Variants in TOX3 observed in about 807,000 individuals in gnomAD.
The protein encoded by TOX3 is CAG trinucleotide repeat-containing gene F9 protein.
In TOX3, 22 loss-of-function variants were observed where a neutral mutation model predicts 64.3. That is an observed-to-expected ratio of 0.34 (90% CI 0.24 to 0.49). The LOEUF (loss-of-function observed/expected upper bound fraction) is 0.49. Ranked by LOEUF, TOX3 falls within the 20% of genes least tolerant of loss-of-function variation. The pLI, the probability that TOX3 is intolerant of heterozygous loss-of-function variation, is 0.99. For synonymous variants in TOX3, 291 were observed against 273.6 expected, an observed-to-expected ratio of 1.06 and a Z score of -0.63; for missense variants, 661 against 714.4, an observed-to-expected ratio of 0.93 and a Z score of 0.85.
intron 1 of TOX3, among the ~76,000 whole-genome samples, chr16:52,533,363 GA>G (rs1962889110): frequency 6.6e-6 from 1 of 152,164 alleles, no homozygotes; most frequent in Non-Finnish European, 1.5e-5. Context: ...CAAAGACAAG[GA>G]ACTGAAGAGC....
chr16:52,521,184 C>A (rs1470892777), intron 1 of TOX3, among the ~76,000 whole-genome samples: 1 of 152,022 alleles, frequency 6.6e-6, no homozygotes, highest in Non-Finnish European at 1.5e-5. Flanking sequence ...CATATTCGCA[C>A]CAAACTGAGA....
In TOX3 at chr16:52,450,441, C is replaced by A. The variant is rs1960301151; in HGVS notation, c.514G>T (p.Ala172Ser). The A allele has an allele frequency of 6.2e-7, 1 of 1,613,878 alleles. No homozygotes were observed. The highest frequency in any genetic ancestry group is 1.1e-5 in the South Asian group (1 of 91,090). Reference sequence around the variant, plus strand: ...GACTGGTTGATGGTGGTGAGCTGGGCAGGAGGCATGACCCCAGAACGCGCA... The same window carrying A: ...GACTGGTTGATGGTGGTGAGCTGGGAAGGAGGCATGACCCCAGAACGCGCA... ...DAARSGVMPPAQLTTINQSQL... is the reference protein window; with the variant it reads ...DAARSGVMPPSQLTTINQSQL... Residue 172 changes from alanine (A) to serine (S), a missense_variant, in exon 4 of 7, where the codon GCC becomes TCC. Transcript: ENST00000219746.
At chr16:52,489,728 T>C (rs45545931) in intron 1 of TOX3, among the ~76,000 whole-genome samples, 2,995 of 152,292 alleles carry the variant, frequency 0.02, 40 homozygotes, top group South Asian at 0.035. Context: ...TACCAACTTA[T>C]ATTCAACAAA....
At position 52,438,960 on chromosome 16, in the gene TOX3, G is replaced by A; in HGVS notation, c.*265C>T. The A allele has an allele frequency of 3.2e-6, 2 of 625,616 alleles. No individual in the cohort carries two copies. The highest frequency in any genetic ancestry group is 6.0e-6 in the Non-Finnish European group (2 of 330,754). 38.8% of individuals were successfully genotyped at this position (625,616 alleles called of 1,614,324 possible). A position where few individuals can be genotyped will look rare whatever the true frequency, so the allele number is the denominator to read the frequency against. ...AAACAGTTTGATTCACATATTGTAG[G>A]TATAGCCTGAATAAATAAAAAAGGC... is the stretch of plus-strand genomic sequence containing the variant. On this transcript the variant is annotated 3_prime_UTR_variant, in exon 7 of 7. Transcript: ENST00000219746.
At chr16:52,530,171 T>C (rs1962819666) in intron 1 of TOX3, among the ~76,000 whole-genome samples, 1 of 152,184 alleles carries the variant, frequency 6.6e-6, no homozygotes, top group South Asian at 2.1e-4. Flanking sequence ...GTCAAAACCA[T>C]TACATATGTT....
At chr16:52,508,457 G>A (rs1311608357) in intron 1 of TOX3, among the ~76,000 whole-genome samples, 1 of 152,168 alleles carries the variant, frequency 6.6e-6, no homozygotes, top group Non-Finnish European at 1.5e-5. Context: ...ATACTGTACA[G>A]TGGCAAACCA....
At chr16:52,489,006 G>A (rs182715770) in intron 1 of TOX3, among the ~76,000 whole-genome samples, 26 of 152,220 alleles carry the variant, frequency 1.7e-4, no homozygotes, top group Non-Finnish European at 2.9e-4. Flanking sequence ...TCCCTCAATG[G>A]GTAAACAGAG....
intron 1 of TOX3, among the ~76,000 whole-genome samples, chr16:52,516,427 G>A (rs1962458167): frequency 6.6e-6 from 1 of 152,154 alleles, no homozygotes; most frequent in Admixed American, 6.6e-5. Flanking sequence ...TTCATCAGCA[G>A]CAATGAAGGA....
chr16:52,439,418 CGCTGCTGCAGCT>C lies in TOX3; in HGVS notation c.1526_1537del (p.Gln509_Gln512del), dbSNP rs745648406. ...GTGTTGCAGCTGCTGCAGCTGGAGGCGCTGCTGCAGCTGCTGCTGCAGCTGCTGTTGATTAAT... is the reference window on the plus strand; with the variant it reads ...GTGTTGCAGCTGCTGCAGCTGGAGGCGCTGCTGCAGCTGCTGTTGATTAAT... On this transcript the variant is annotated inframe_deletion, in exon 7 of 7. Coordinates refer to ENST00000219746, the MANE Select transcript of TOX3 (RefSeq NM_001080430.4). 3.3e-5 allele frequency: 51 copies of C among 1,555,162 alleles called. No individual in the cohort carries two copies. In the East Asian group the frequency reaches 4.9e-4, roughly 15 times the overall value.
At chr16:52,525,386 T>C (rs1962707618) in intron 1 of TOX3, among the ~76,000 whole-genome samples, 1 of 152,112 alleles carries the variant, frequency 6.6e-6, no homozygotes, top group African/African-American at 2.4e-5. Flanking sequence ...ATAAAGGACA[T>C]ACAAAAGAAG....
At chr16:52,479,071 A>G (rs373910443) in intron 1 of TOX3, among the ~76,000 whole-genome samples, 1 of 152,214 alleles carries the variant, frequency 6.6e-6, no homozygotes, top group Non-Finnish European at 1.5e-5. Flanking sequence ...AAAGACATAT[A>G]TGACTCCTCA....
chr16:52,479,385 T>C (rs1386274250), intron 1 of TOX3, among the ~76,000 whole-genome samples: 4 of 152,166 alleles, frequency 2.6e-5, no homozygotes, highest in African/African-American at 9.7e-5. Context: ...AATATGCTTA[T>C]GAATAAAAGG....
At chr16:52,485,254 A>ATATATATATGTG (rs1555484151) in intron 1 of TOX3, among the ~76,000 whole-genome samples, 22 of 141,928 alleles carry the variant, frequency 1.6e-4, no homozygotes, top group African/African-American at 5.8e-4. Flanking sequence ...GTGTATATAT[A>ATATATATATGTG]TATATATATA....
chr16:52,546,355 G>C (rs1455633238), intron 1 of TOX3, among the ~76,000 whole-genome samples: 6 of 151,676 alleles, frequency 4.0e-5, no homozygotes, highest in Non-Finnish European at 1.5e-5. Flanking sequence ...TTCAGTCCTC[G>C]GGCTCTCTTC....
chr16:52,507,047 T>G (rs371579973), intron 1 of TOX3, among the ~76,000 whole-genome samples: 1 of 152,188 alleles, frequency 6.6e-6, no homozygotes, highest in Non-Finnish European at 1.5e-5. Context: ...AGAGTTCACA[T>G]GTAATGTTAA....
At chr16:52,460,151 T>C (rs192733109) in intron 3 of TOX3, among the ~76,000 whole-genome samples, 597 of 152,304 alleles carry the variant, frequency 3.9e-3, no homozygotes, top group Non-Finnish European at 6.5e-3. Flanking sequence ...CTTCCATCTT[T>C]TTCAATTTTC....
intron 1 of TOX3, among the ~76,000 whole-genome samples, chr16:52,531,944 T>C (rs974419701): frequency 2.0e-5 from 3 of 152,028 alleles, no homozygotes; most frequent in Admixed American, 6.6e-5. Flanking sequence ...AGCCAAGTAA[T>C]CTAAATTAAT....
At chr16:52,485,083 GTA>G (rs1180375168) in intron 1 of TOX3, among the ~76,000 whole-genome samples, 2 of 148,722 alleles carry the variant, frequency 1.3e-5, no homozygotes, top group African/African-American at 5.0e-5. Flanking sequence ...ATATATACAT[GTA>G]TGTGTGTGTA....
intron 1 of TOX3, among the ~76,000 whole-genome samples, chr16:52,521,934 A>C (rs1015163210): frequency 6.6e-6 from 1 of 152,170 alleles, no homozygotes; most frequent in Non-Finnish European, 1.5e-5. Context: ...ATTTGAAGGA[A>C]TCCCAGATCA....
Sources: gnomAD v4.1 joint callset for allele counts (sites outside exome capture counted in the v4.1 genomes callset) on GRCh38, gnomAD v4.1.1 for gene constraint, MANE v1.5 for transcripts, NCBI Gene and HGNC (gene_info 2026-07-23, HGNC 2026-07-21) for gene names.